Variants in CDK13 observed in about 807,000 individuals in gnomAD.
CDK13 encodes cyclin dependent kinase 13, also known as cyclin-dependent kinase 13.
Under a neutral mutation model 137.6 loss-of-function variants are expected in CDK13, and 40 were observed. The observed-to-expected ratio is 0.29, with a 90% CI of 0.23 to 0.38. The LOEUF (loss-of-function observed/expected upper bound fraction) is 0.38, where lower values mean the gene tolerates loss of function less well. CDK13 is among the 10% of genes least tolerant of loss of function. The probability of loss-of-function intolerance (pLI) is 1.00; values close to 1 mark genes in which losing one functional copy is unlikely to be tolerated. For missense variants in CDK13, 1,704 were observed against 1,951.8 expected, an observed-to-expected ratio of 0.87 and a Z score of 2.39; for synonymous variants, 869 against 760.1, an observed-to-expected ratio of 1.14 and a Z score of -2.36.
intron 12 of CDK13, among the ~76,000 whole-genome samples, chr7:40,090,510 C>T (rs1031291850): frequency 3.3e-5 from 5 of 152,126 alleles, no homozygotes; most frequent in Non-Finnish European, 5.9e-5. Context: ...TGTGCCATCA[C>T]GCTCAGCTAA....
intron 5 of CDK13, among the ~76,000 whole-genome samples, chr7:40,028,418 C>T (rs954433030): frequency 6.6e-6 from 1 of 151,908 alleles, no homozygotes. Context: ...CGAGGTTTCA[C>T]CATGTTGGCC....
At chr7:39,993,112 G>A (rs546192393) in intron 2 of CDK13, among the ~76,000 whole-genome samples, 1 of 152,252 alleles carries the variant, frequency 6.6e-6, no homozygotes, top group African/African-American at 2.4e-5. Flanking sequence ...TTTAGCAACC[G>A]TTAATGGTAT....
At position 40,097,913 on chromosome 7, in the gene CDK13, C is replaced by A. The variant is rs1424451702; in HGVS notation, c.*2933C>A. 3 of 152,052 alleles carry A rather than the reference C, an allele frequency of 2.0e-5. No individual in the cohort carries two copies. The highest frequency in any genetic ancestry group is 4.4e-5 in the Non-Finnish European group (3 of 67,972). 9.4% of individuals were successfully genotyped at this position (152,052 alleles called of 1,614,324 possible). On this transcript the variant is annotated 3_prime_UTR_variant, in exon 14 of 14. Transcript: ENST00000181839. ...ATACATAGTCAGTGCCTACAACATG[C>A]CAGGTAGTAATCTAGTCCTTGGGGT...
intron 9 of CDK13, among the ~76,000 whole-genome samples, chr7:40,076,766 A>T (rs1786553473): frequency 6.6e-6 from 1 of 152,226 alleles, no homozygotes; most frequent in African/African-American, 2.4e-5. Context: ...CAGCTAAAAA[A>T]ATGTCTGGCA....
chr7:40,005,173 TCA>T (rs1491364896), intron 5 of CDK13, among the ~76,000 whole-genome samples: 3 of 56,404 alleles, frequency 5.3e-5, no homozygotes, highest in Non-Finnish European at 1.2e-4. Flanking sequence ...GACTCTTGTC[TCA>T]AAAAAAAAAA....
chr7:40,084,242 A>G (rs1786736656), intron 11 of CDK13, among the ~76,000 whole-genome samples: 1 of 152,188 alleles, frequency 6.6e-6, no homozygotes. Context: ...GCAGTTTGGG[A>G]GGCCGAGGTG....
intron 7 of CDK13, 150 bp from the exon 8 acceptor site, chr7:40,062,676 T>C: frequency 1.5e-6 from 1 of 668,846 alleles, no homozygotes. Flanking sequence ...TTATATTAGA[T>C]ACCTTTGGAT....
chr7:40,010,407 G>A (rs2116360862), intron 5 of CDK13, among the ~76,000 whole-genome samples: 1 of 152,344 alleles, frequency 6.6e-6, no homozygotes, highest in Non-Finnish European at 1.5e-5. Flanking sequence ...TGGAGGACCA[G>A]GCGTGGTGGC....
chr7:40,033,374 C>A (rs1336612196), intron 5 of CDK13, among the ~76,000 whole-genome samples: 1 of 152,188 alleles, frequency 6.6e-6, no homozygotes, highest in Non-Finnish European at 1.5e-5. Flanking sequence ...AATTAGTAGT[C>A]TGATAATGCC....
chr7:40,087,749 A>G (rs570935615), intron 11 of CDK13, among the ~76,000 whole-genome samples: 9 of 152,144 alleles, frequency 5.9e-5, no homozygotes, highest in African/African-American at 2.2e-4. Flanking sequence ...GGGTTTTGCC[A>G]TGTTGGCCAG....
intron 5 of CDK13, among the ~76,000 whole-genome samples, chr7:40,036,172 TTAC>T (rs1785478044): frequency 2.7e-5 from 1 of 36,674 alleles, no homozygotes; most frequent in African/African-American, 2.1e-4. Context: ...AATAAATAAA[TTAC>T]ACACACACAC....
intron 5 of CDK13, among the ~76,000 whole-genome samples, chr7:40,036,197 C>CACACACACAT (rs1423889247): frequency 1.4e-5 from 2 of 144,122 alleles, no homozygotes; most frequent in Non-Finnish European, 3.0e-5. Context: ...CACACACACA[C>CACACACACAT]ATATAAAACC....
chr7:40,047,491 G>A lies in CDK13; in HGVS notation c.2544-330G>A, dbSNP rs536457625. 2.0e-5 allele frequency among the ~76,000 whole-genome samples: 3 copies of A among 152,042 alleles called. No individual in the cohort carries two copies. In the East Asian group the frequency reaches 5.8e-4, roughly 29 times the overall value. On this transcript the variant is annotated intron_variant, in intron 6 of 13. Transcript: ENST00000181839. ...TTGTCTTACTGCTAAGTAATAAAAA[G>A]GATCTCATTTTATTTTCATTGAAGT...
intron 5 of CDK13, among the ~76,000 whole-genome samples, chr7:40,041,292 C>T (rs1275745952): frequency 1.3e-5 from 2 of 152,136 alleles, no homozygotes; most frequent in African/African-American, 4.8e-5. Flanking sequence ...TGCCACTGCA[C>T]TCCAGCCTGG....
chr7:40,073,102 A>G (rs886425628), intron 9 of CDK13: 2 of 152,126 alleles, frequency 1.3e-5, no homozygotes, highest in Non-Finnish European at 2.9e-5. Context: ...GGGCTAAACA[A>G]TGAATGTGCT....
In CDK13 at chr7:40,019,689, A is replaced by G. The variant is rs73127895; in HGVS notation, c.2353+17658A>G. ...GGTTTTGACCAAGCAACTGGGCACT[A>G]TAGCCTAGCCAAGTTGGCACATGAA... On this transcript the variant is annotated intron_variant, in intron 5 of 13. Coordinates refer to ENST00000181839, the MANE Select transcript of CDK13 (RefSeq NM_003718.5). Among the ~76,000 whole-genome samples, 13 of 152,314 alleles carry G rather than the reference A, an allele frequency of 8.5e-5. No homozygotes were observed. The South Asian group carries it at 2.1e-3, about 24-fold the overall frequency.
At chr7:40,020,918 C>A (rs1287825012) in intron 5 of CDK13, among the ~76,000 whole-genome samples, 5 of 151,874 alleles carry the variant, frequency 3.3e-5, no homozygotes. Context: ...TGGTGAAACA[C>A]CATCTCTACC....
intron 9 of CDK13, among the ~76,000 whole-genome samples, chr7:40,063,806 C>A (rs1214174709): frequency 6.6e-6 from 1 of 151,732 alleles, no homozygotes; most frequent in Non-Finnish European, 1.5e-5. Context: ...TACGGGTGCC[C>A]ACCACCATGC....
At chr7:39,965,998 G>C (rs1783862931) in intron 1 of CDK13, among the ~76,000 whole-genome samples, 1 of 152,196 alleles carries the variant, frequency 6.6e-6, no homozygotes, top group Admixed American at 6.5e-5. Flanking sequence ...CTGTTAGTCT[G>C]ATGGGCTTCC....
Sources: gnomAD v4.1 joint callset for allele counts (sites outside exome capture counted in the v4.1 genomes callset) on GRCh38, gnomAD v4.1.1 for gene constraint, MANE v1.5 for transcripts, NCBI Gene and HGNC (gene_info 2026-07-23, HGNC 2026-07-21) for gene names.